The following PSMD1 variants were observed in gnomAD, a reference collection of about 807,000 sequenced individuals.
The protein encoded by PSMD1 is proteasome 26S subunit, non-ATPase 1.
In PSMD1, 18 loss-of-function variants were observed where a neutral mutation model predicts 119.0. The observed-to-expected ratio is 0.15, with a 90% CI of 0.10 to 0.22. The LOEUF is 0.22. PSMD1 is among the 10% of genes least tolerant of loss of function. PSMD1 has a pLI of 1.00. For synonymous variants in PSMD1, 374 were observed against 396.6 expected, an observed-to-expected ratio of 0.94 and a Z score of 0.68; for missense variants, 702 against 1,158.5, an observed-to-expected ratio of 0.61 and a Z score of 5.72.
rs149164109 is a variant in PSMD1, at chr2:231,091,209, C to T, written c.1883+4028C>T. On this transcript the variant is annotated intron_variant, in intron 16 of 24. Coordinates refer to ENST00000308696, the MANE Select transcript of PSMD1 (RefSeq NM_002807.4). ...ACAATTTGTGGGTAATTAACATTGT[C>T]GACCCACCAAATAGAGAGCAGTCCT... 3.2e-3 allele frequency among the ~76,000 whole-genome samples: 489 copies of T among 152,238 alleles called. 1 individual carries two copies. The highest frequency in any genetic ancestry group is 5.4e-3 in the Non-Finnish European group (368 of 68,000).
Position 231,080,232 on chromosome 2 carries a change from A to G in PSMD1, c.1331A>G (p.Tyr444Cys). The G allele has an allele frequency of 6.2e-7, 1 of 1,613,154 alleles. No individual in the cohort carries two copies. The highest frequency in any genetic ancestry group is 1.1e-5 in the South Asian group (1 of 91,070). ...GSAYQEGGGL[Y>C]ALGLIHANHG... ...GCCTATCAGGAAGGTGGAGGTCTCT[A>G]TGCACTAGGTCTTATTCATGCCAAT... is the stretch of plus-strand genomic sequence containing the variant. Residue 444 changes from tyrosine to cysteine, a missense_variant, in exon 12 of 25, where the codon TAT becomes TGT. By Grantham distance (194) the Tyr-to-Cys change is radical (BLOSUM62 -2). Around this residue, in one of 9 missense-constraint regions of PSMD1, gnomAD observed 272 missense variants for 511.6 expected, o/e 0.53. Coordinates refer to ENST00000308696, the MANE Select transcript of PSMD1 (RefSeq NM_002807.4).
intron 23 of PSMD1, among the ~76,000 whole-genome samples, chr2:231,168,028 T>C (rs567905238): frequency 1.3e-5 from 2 of 152,242 alleles, no homozygotes; most frequent in African/African-American, 4.8e-5. Context: ...TGTAGTGCAA[T>C]ATGATTGTGC....
intron 1 of PSMD1, chr2:231,060,412 T>C (rs1196492237): frequency 6.6e-6 from 1 of 152,242 alleles, no homozygotes; most frequent in Non-Finnish European, 1.5e-5. Context: ...CAGTTTCAAC[T>C]CGGTGTTCTG....
chr2:231,114,668 C>T (rs912234403), intron 16 of PSMD1, among the ~76,000 whole-genome samples: 7 of 152,094 alleles, frequency 4.6e-5, no homozygotes, highest in Non-Finnish European at 1.0e-4. Context: ...TTAACAAACT[C>T]TTATAAAACA....
At chr2:231,151,851 C>T (rs1240887263) in intron 18 of PSMD1, among the ~76,000 whole-genome samples, 1 of 115,716 alleles carries the variant, frequency 8.6e-6, no homozygotes, top group African/African-American at 3.3e-5. Context: ...TTGCTCTTGT[C>T]GCCCAGGCTG....
chr2:231,144,913 G>C (rs1333349914), intron 17 of PSMD1, among the ~76,000 whole-genome samples: 2 of 152,128 alleles, frequency 1.3e-5, no homozygotes, highest in Non-Finnish European at 2.9e-5. Flanking sequence ...ACCTAGTACT[G>C]TGTCTGAAAA....
chr2:231,058,518 A>G (rs879889857), intron 1 of PSMD1, among the ~76,000 whole-genome samples: 1 of 138,176 alleles, frequency 7.2e-6, no homozygotes, highest in Non-Finnish European at 1.5e-5. Flanking sequence ...TTATATACAA[A>G]CCTTTTTTTT....
intron 1 of PSMD1, 139 bp downstream of exon 1, chr2:231,057,180 G>A (rs1303141065): frequency 1.8e-6 from 2 of 1,082,986 alleles, no homozygotes; most frequent in African/African-American, 1.7e-5. Flanking sequence ...GCCCACCCCC[G>A]GGCCGGGGGG....
intron 1 of PSMD1, among the ~76,000 whole-genome samples, chr2:231,060,829 TTTA>T: frequency 6.6e-6 from 1 of 152,370 alleles, no homozygotes; most frequent in South Asian, 2.1e-4. Context: ...TATGAATAAT[TTTA>T]TTCTAAAATT....
intron 16 of PSMD1, among the ~76,000 whole-genome samples, chr2:231,099,619 G>T (rs1166913335): frequency 6.6e-6 from 1 of 152,088 alleles, no homozygotes; most frequent in Non-Finnish European, 1.5e-5. Flanking sequence ...TTGGGGTAAG[G>T]TTCAAGGTTC....
intron 16 of PSMD1, among the ~76,000 whole-genome samples, chr2:231,092,305 CA>C (rs1694615734): frequency 6.6e-6 from 1 of 152,124 alleles, no homozygotes; most frequent in Non-Finnish European, 1.5e-5. Context: ...ACGCATGAGG[CA>C]AACCAAACCT....
In PSMD1 at chr2:231,061,330, T is replaced by A; in HGVS notation, c.60+20T>A. ...CTTAAGGTATGAATTGAAGAATAAG[T>A]AACTAGGCTTAGTGTGAATACTGTG... On this transcript the variant is annotated intron_variant, in intron 2 of 24. Coordinates refer to ENST00000308696, the MANE Select transcript of PSMD1 (RefSeq NM_002807.4). The A allele has an allele frequency of 2.6e-6, 4 of 1,555,720 alleles. No individual in the cohort carries two copies. The South Asian group carries it at 4.6e-5, about 18-fold the overall frequency.
At chr2:231,084,035 G>C (rs547075144) in intron 14 of PSMD1, among the ~76,000 whole-genome samples, 1 of 152,268 alleles carries the variant, frequency 6.6e-6, no homozygotes, top group East Asian at 1.9e-4. Context: ...AGGAATTCAC[G>C]AGTTGATTTC....
At chr2:231,095,447 T>A (rs1694700542) in intron 16 of PSMD1, among the ~76,000 whole-genome samples, 1 of 152,246 alleles carries the variant, frequency 6.6e-6, no homozygotes, top group Non-Finnish European at 1.5e-5. Flanking sequence ...GTATTCTTTA[T>A]GACAGAGGCA....
chr2:231,128,825 CCTT>C (rs1320666139), intron 16 of PSMD1, among the ~76,000 whole-genome samples: 2 of 152,170 alleles, frequency 1.3e-5, no homozygotes, highest in African/African-American at 2.4e-5. Context: ...CAATACAGCA[CCTT>C]CTTCTTTAAG....
chr2:231,148,148 T>C (rs1696290771), intron 18 of PSMD1, among the ~76,000 whole-genome samples: 2 of 152,256 alleles, frequency 1.3e-5, no homozygotes, highest in African/African-American at 4.8e-5. Context: ...CTTTTTGTTT[T>C]TAAATATAGC....
chr2:231,079,465 C>A, intron 10 of PSMD1, 71 bp from the exon 11 acceptor site: 1 of 1,066,394 alleles, frequency 9.4e-7, no homozygotes, highest in Non-Finnish European at 1.4e-6. Context: ...TGCTTTTAAC[C>A]TTAGAGTTAA....
chr2:231,065,261 GTTTTTTGTTTTTTTGTT>G (rs1285930691), intron 4 of PSMD1, among the ~76,000 whole-genome samples: 86 of 150,182 alleles, frequency 5.7e-4, no homozygotes, highest in African/African-American at 1.5e-3. Flanking sequence ...GGGTGACTGG[GTTTTTTGTTTTTTTGTT>G]TTTTTTGTTT....
intron 17 of PSMD1, among the ~76,000 whole-genome samples, chr2:231,143,318 C>T (rs1395664954): frequency 6.6e-6 from 1 of 152,136 alleles, no homozygotes; most frequent in Non-Finnish European, 1.5e-5. Context: ...GAACCTCCAC[C>T]TCCTGGGTTC....
Sources: allele counts gnomAD v4.1 joint callset (sites outside exome capture counted in the v4.1 genomes callset), GRCh38; gene constraint gnomAD v4.1.1; regional missense constraint gnomAD v4.1.1; transcripts MANE v1.5; gene names NCBI Gene and HGNC (gene_info 2026-07-23, HGNC 2026-07-21).